The following CNBD1 variants were observed in gnomAD, a reference collection of about 807,000 sequenced individuals.
CNBD1 encodes cyclic nucleotide-binding domain-containing protein 1.
A neutral mutation model predicts 54.4 loss-of-function variants in CNBD1; 71 were observed. That is an observed-to-expected ratio of 1.30 (90% confidence interval 1.08 to 1.59). The LOEUF (loss-of-function observed/expected upper bound fraction) is 1.59. Among genes scored for constraint, CNBD1 ranks in the 40% most tolerant of loss-of-function variants. The pLI, the probability that CNBD1 is intolerant of heterozygous loss-of-function variation, is 0.00. For missense variants in CNBD1, 659 were observed against 518.0 expected (o/e 1.27, Z -2.64); for synonymous variants, 182 against 170.7 (o/e 1.07, Z -0.51).
chr8:87,038,454 T>C (rs542568575), intron 4 of CNBD1, among the ~76,000 whole-genome samples: 1 of 152,236 alleles, frequency 6.6e-6, no homozygotes, highest in African/African-American at 2.4e-5. Flanking sequence ...ATGGTCCTCT[T>C]CTGGATGGGG....
At chr8:86,922,354 A>G (rs1196223621) in intron 3 of CNBD1, among the ~76,000 whole-genome samples, 1 of 152,154 alleles carries the variant, frequency 6.6e-6, no homozygotes, top group Non-Finnish European at 1.5e-5. Flanking sequence ...GAAATAAAAA[A>G]GGCAAGGCGA....
At chr8:87,220,297 G>T (rs926304238) in intron 5 of CNBD1, among the ~76,000 whole-genome samples, 2 of 151,940 alleles carry the variant, frequency 1.3e-5, no homozygotes, top group African/African-American at 4.8e-5. Flanking sequence ...AATGTTCGTA[G>T]TTTGCCTTAC....
chr8:87,124,553 A>G (rs958133942), intron 4 of CNBD1, among the ~76,000 whole-genome samples: 7 of 151,954 alleles, frequency 4.6e-5, no homozygotes, highest in African/African-American at 1.4e-4. Context: ...GATGAAAATT[A>G]TATGACCATT....
At chr8:87,062,757 A>G (rs1586230897) in intron 4 of CNBD1, among the ~76,000 whole-genome samples, 1 of 152,090 alleles carries the variant, frequency 6.6e-6, no homozygotes, top group Non-Finnish European at 1.5e-5. Flanking sequence ...AATGCTTTGT[A>G]CATTATACTT....
chr8:86,989,330 T>TACATACATACAA (rs1808686206), intron 4 of CNBD1, among the ~76,000 whole-genome samples: 1 of 151,962 alleles, frequency 6.6e-6, no homozygotes, highest in Admixed American at 6.6e-5. Flanking sequence ...CATACATACA[T>TACATACATACAA]ACATACATAG....
chr8:86,991,879 TTAG>T (rs1808757530), intron 4 of CNBD1, among the ~76,000 whole-genome samples: 1 of 152,156 alleles, frequency 6.6e-6, no homozygotes, highest in South Asian at 2.1e-4. Flanking sequence ...AAGAGTGTGC[TTAG>T]TATGAGTTCA....
rs139516787 is a variant in CNBD1 at position 87,151,938 on chromosome 8, A to G, written c.432-54055A>G. ...ATACTTTAAAAGTTTAGCTTCTTAT[A>G]TAACTTAATCATCATCATTATAATA... On this transcript the variant is annotated intron_variant, in intron 4 of 10. Transcript: ENST00000518476. Among the ~76,000 whole-genome samples, 433 of 152,212 alleles carry G rather than the reference A, an allele frequency of 2.8e-3. 4 individuals carry two copies. Among genetic ancestry groups the G allele is most frequent in the African/African-American group, 9.7e-3 (404 of 41,528 alleles).
chr8:86,940,995 A>G (rs750833851), intron 4 of CNBD1, among the ~76,000 whole-genome samples: 2 of 152,220 alleles, frequency 1.3e-5, no homozygotes, highest in South Asian at 2.1e-4. Flanking sequence ...AGTGTACTCT[A>G]TGATGTTTAC....
chr8:87,330,736 A>G (rs1201739765), intron 8 of CNBD1, among the ~76,000 whole-genome samples: 3 of 152,190 alleles, frequency 2.0e-5, no homozygotes, highest in Non-Finnish European at 2.9e-5. Flanking sequence ...TTCTATGTTC[A>G]GATAAGAATA....
chr8:86,978,593 A>G (rs1586176329), intron 4 of CNBD1, among the ~76,000 whole-genome samples: 1 of 118,396 alleles, frequency 8.4e-6, no homozygotes, highest in Non-Finnish European at 1.6e-5. Flanking sequence ...CCCAGGCTGG[A>G]GTGCAATGGC....
chr8:87,087,460 A>C (rs550466097), intron 4 of CNBD1, among the ~76,000 whole-genome samples: 2 of 144,790 alleles, frequency 1.4e-5, no homozygotes, highest in Admixed American at 1.4e-4. Context: ...ATTGAAGTAC[A>C]TTCTTTTTTT....
intron 2 of CNBD1, among the ~76,000 whole-genome samples, chr8:87,401,086 G>C (rs780979970): frequency 6.6e-6 from 1 of 151,946 alleles, no homozygotes; most frequent in African/African-American, 2.4e-5. Flanking sequence ...GTGTACAAAA[G>C]CTTGCAGTGA....
chr8:87,144,925 C>T (rs79237834), intron 4 of CNBD1, among the ~76,000 whole-genome samples: 2,190 of 149,788 alleles, frequency 0.015, 44 homozygotes, highest in African/African-American at 0.05. Flanking sequence ...GAATGTAATA[C>T]AAAACATAAA....
chr8:87,292,363 T>C (rs577521203), intron 8 of CNBD1, among the ~76,000 whole-genome samples: 3 of 152,346 alleles, frequency 2.0e-5, no homozygotes, highest in Admixed American at 6.5e-5. Context: ...TGAAAGTCTG[T>C]TCTCTTCAGT....
At chr8:87,361,446 A>G (rs1810522243) in intron 10 of CNBD1, among the ~76,000 whole-genome samples, 2 of 151,870 alleles carry the variant, frequency 1.3e-5, no homozygotes, top group African/African-American at 4.8e-5. Context: ...ATGTCTTACA[A>G]GGCTATGTGA....
chr8:86,953,884 C>T (rs915765821), intron 4 of CNBD1, among the ~76,000 whole-genome samples: 2 of 152,066 alleles, frequency 1.3e-5, no homozygotes, highest in African/African-American at 2.4e-5. Flanking sequence ...TAAAAAAATC[C>T]TATGTAACTA....
chr8:87,055,883 TTTCCTTCC>T (rs71277912), intron 4 of CNBD1, among the ~76,000 whole-genome samples: 19,499 of 92,742 alleles, frequency 0.21, 2,235 homozygotes, highest in Middle Eastern at 0.28. Flanking sequence ...CTGCTTGACC[TTTCCTTCC>T]TTCCTTCCTT....
chr8:87,281,668 C>G (rs1808605199), intron 6 of CNBD1, among the ~76,000 whole-genome samples: 2 of 145,344 alleles, frequency 1.4e-5, no homozygotes, highest in African/African-American at 5.0e-5. Flanking sequence ...TTTATTTCTA[C>G]AAGGTAGATT....
chr8:87,024,110 G>A (rs1809564834), intron 4 of CNBD1, among the ~76,000 whole-genome samples: 1 of 151,158 alleles, frequency 6.6e-6, no homozygotes, highest in African/African-American at 2.4e-5. Flanking sequence ...CTGGTGGCAG[G>A]CACCTGTAAT....
Sources: gnomAD v4.1 joint callset for allele counts (sites outside exome capture counted in the v4.1 genomes callset) on GRCh38, gnomAD v4.1.1 for gene constraint, MANE v1.5 for transcripts, NCBI Gene and HGNC (gene_info 2026-07-23, HGNC 2026-07-21) for gene names.